Variants in BATF3 observed in about 807,000 individuals in gnomAD.
The protein encoded by BATF3 is basic leucine zipper transcriptional factor ATF-like 3.
Under a neutral mutation model 16.1 loss-of-function variants are expected in BATF3, and 8 were observed. The observed-to-expected ratio is 0.50, with a 90% CI of 0.29 to 0.90. The LOEUF is 0.90. BATF3 is among the 40% of genes least tolerant of loss of function. The probability of loss-of-function intolerance (pLI) is 0.08; values close to 1 mark genes in which losing one functional copy is unlikely to be tolerated. For synonymous variants in BATF3, 74 were observed against 72.7 expected (o/e 1.02, Z -0.09); for missense variants, 139 against 167.0 (o/e 0.83, Z 0.92).
intron 2 of BATF3, among the ~76,000 whole-genome samples, chr1:212,692,863 G>A (rs1197467836): frequency 1.3e-5 from 2 of 152,264 alleles, no homozygotes; most frequent in East Asian, 3.8e-4. Flanking sequence ...GTGGGATAGA[G>A]GAACACATGA....
rs1299248708 is a variant in BATF3, at chr1:212,699,777, T to C, written c.-15A>G. 26 of 1,214,362 alleles carry C rather than the reference T, an allele frequency of 2.1e-5. No individual in the cohort carries two copies. The highest frequency in any genetic ancestry group is 3.4e-5 in the South Asian group (1 of 29,782). 75.2% of individuals were successfully genotyped at this position (1,214,362 alleles called of 1,614,324 possible). On this transcript the variant is annotated 5_prime_UTR_variant, in exon 1 of 3. Coordinates refer to ENST00000243440, the MANE Select transcript of BATF3 (RefSeq NM_018664.3). This position sits in a 1 kb window ranked among gnomAD's most constrained non-coding sequence, Gnocchi z 4.4. ...CCTTGCGACATGCCGGGCGCTCCTCTGGCCCGGCCCGCCCCGCCCCGCCCG... is the reference window on the plus strand; with the variant it reads ...CCTTGCGACATGCCGGGCGCTCCTCCGGCCCGGCCCGCCCCGCCCCGCCCG...
At chr1:212,691,590 A>G (rs1656999536) in intron 2 of BATF3, among the ~76,000 whole-genome samples, 1 of 152,240 alleles carries the variant, frequency 6.6e-6, no homozygotes, top group Non-Finnish European at 1.5e-5. Context: ...ATCAGTTTCT[A>G]AGCCACATGG....
In BATF3 at chr1:212,689,627, A is replaced by G. The variant is rs1451670580; in HGVS notation, c.196-2648T>C. Among the ~76,000 whole-genome samples the G allele has an allele frequency of 6.6e-6, 1 of 152,190 alleles. No homozygotes were observed. ...GAGTCTGGATGGGAGGATGGGATGG[A>G]AGCCAGGGCGTCAAGGGAATCATGC... is the stretch of plus-strand genomic sequence containing the variant. On this transcript the variant is annotated intron_variant, in intron 2 of 2. Coordinates refer to ENST00000243440, the MANE Select transcript of BATF3 (RefSeq NM_018664.3). The surrounding 1 kb of genome is among the most constrained non-coding windows in gnomAD (Gnocchi z 4.6).
chr1:212,688,803 AGTAAGGCTTTGTT>A (rs1381375040), intron 2 of BATF3, among the ~76,000 whole-genome samples: 6 of 152,220 alleles, frequency 3.9e-5, no homozygotes, highest in South Asian at 2.1e-4. Flanking sequence ...TCTAGTTTAT[AGTAAGGCTTTGTT>A]GTACCATGCA....
intron 1 of BATF3, chr1:212,697,705 ATG>A (rs1422811768): frequency 6.6e-6 from 1 of 152,246 alleles, no homozygotes; most frequent in East Asian, 1.9e-4. Context: ...CAAATTTTTT[ATG>A]TGTCTTGAAA....
Position 212,699,583 on chromosome 1 carries a change from C to T in BATF3, c.90+90G>A, listed in dbSNP as rs1416243378. 1 of 1,082,836 alleles carries T rather than the reference C, an allele frequency of 9.2e-7. No homozygotes were observed. Among genetic ancestry groups the T allele is most frequent in the East Asian group, 3.3e-5 (1 of 29,870 alleles). 67.1% of individuals were successfully genotyped at this position (1,082,836 alleles called of 1,614,324 possible). A position where few individuals can be genotyped will look rare whatever the true frequency, so the allele number is the denominator to read the frequency against. ...GCCACCTCTGCACCTCCGCAGTCAC[C>T]ACCACGGAACTCCAGCACCCACCTC... On this transcript the variant is annotated intron_variant, in intron 1 of 2. Coordinates refer to ENST00000243440, the MANE Select transcript of BATF3 (RefSeq NM_018664.3). This position sits in a 1 kb window ranked among gnomAD's most constrained non-coding sequence, Gnocchi z 4.4.
intron 2 of BATF3, among the ~76,000 whole-genome samples, chr1:212,694,298 T>G (rs1657074763): frequency 6.6e-6 from 1 of 152,210 alleles, no homozygotes; most frequent in African/African-American, 2.4e-5. Context: ...ATAGTAAATT[T>G]GTGTTGTTTT....
In BATF3 at chr1:212,697,037, C is replaced by T. The variant is rs1395373528; in HGVS notation, c.119G>A (p.Arg40Gln). 9 of 1,614,130 alleles carry T rather than the reference C, an allele frequency of 5.6e-6. No individual in the cohort carries two copies. The highest frequency in any genetic ancestry group is 1.7e-5 in the Admixed American group (1 of 60,026). The change falls in exon 2 of 3, where the codon CGA becomes CAA. Residue 40 changes from arginine to glutamine, a missense_variant. Transcript: ENST00000243440. Reference sequence around the variant, plus strand: ...AGCAACTCGGTTTTTTTCTCTCCTTCGGACCTTCCTGTCATCATCCTCAGG... The same window carrying T: ...AGCAACTCGGTTTTTTTCTCTCCTTTGGACCTTCCTGTCATCATCCTCAGG... ...QSPEDDDRKV[R>Q]RREKNRVAAQ...
intron 2 of BATF3, among the ~76,000 whole-genome samples, chr1:212,688,352 T>C (rs1262564553): frequency 6.6e-6 from 1 of 152,194 alleles, no homozygotes; most frequent in Non-Finnish European, 1.5e-5. Context: ...CTGGAGACCA[T>C]GCCAAGGGCA....
At chr1:212,698,625 T>C in intron 1 of BATF3, 1 of 152,242 alleles carries the variant, frequency 6.6e-6, no homozygotes, top group East Asian at 1.9e-4. Flanking sequence ...GTGCTTCTCA[T>C]GCCTCTTTGC....
chr1:212,693,288 G>T (rs1657043449), intron 2 of BATF3, among the ~76,000 whole-genome samples: 2 of 152,174 alleles, frequency 1.3e-5, no homozygotes, highest in Non-Finnish European at 2.9e-5. Context: ...TCTGCAGAAG[G>T]TTTGGGATAT....
chr1:212,694,399 A>G (rs1466728768), intron 2 of BATF3, among the ~76,000 whole-genome samples: 1 of 151,978 alleles, frequency 6.6e-6, no homozygotes, highest in African/African-American at 2.4e-5. Flanking sequence ...CCGACAGGCA[A>G]GGCATGAGAT....
Position 212,699,521 on chromosome 1 carries a change from C to T in BATF3, c.90+152G>A. The T allele has an allele frequency of 2.0e-6, 1 of 494,696 alleles. No individual in the cohort carries two copies. The highest frequency in any genetic ancestry group is 3.1e-6 in the Non-Finnish European group (1 of 320,028). 30.6% of individuals were successfully genotyped at this position (494,696 alleles called of 1,614,324 possible). A position where few individuals can be genotyped will look rare whatever the true frequency, so the allele number is the denominator to read the frequency against. On this transcript the variant is annotated intron_variant, in intron 1 of 2. Coordinates refer to ENST00000243440, the MANE Select transcript of BATF3 (RefSeq NM_018664.3). The surrounding 1 kb of genome is among the most constrained non-coding windows in gnomAD (Gnocchi z 4.4). ...TGGATCGCCCCCATTCCCCAACATC[C>T]CTACGCCCCTACCTCTGCTTGTCTC...
chr1:212,696,423 GGTGT>G (rs139095900), intron 2 of BATF3, among the ~76,000 whole-genome samples: 2,947 of 148,484 alleles, frequency 0.02, 38 homozygotes, highest in Middle Eastern at 0.049. Flanking sequence ...GTTTCTGTAG[GGTGT>G]GTGTGTGTGT....
At chr1:212,687,387 T>C (rs1402974286) in intron 2 of BATF3, 2 of 178,428 alleles carry the variant, frequency 1.1e-5, no homozygotes, top group Non-Finnish European at 2.4e-5. Flanking sequence ...GAACAGTACC[T>C]GGAACATAAC....
intron 2 of BATF3, among the ~76,000 whole-genome samples, chr1:212,690,155 C>T (rs1656969333): frequency 6.6e-6 from 1 of 152,204 alleles, no homozygotes; most frequent in Non-Finnish European, 1.5e-5. Context: ...TTGAATAGTT[C>T]CAATGTGCTA....
intron 1 of BATF3, chr1:212,697,799 A>C (rs1035979584): frequency 1.3e-5 from 2 of 152,208 alleles, no homozygotes; most frequent in East Asian, 3.9e-4. Context: ...GGAAAAATGC[A>C]CTGACCATGG....
At chr1:212,695,117 C>T (rs555663412) in intron 2 of BATF3, among the ~76,000 whole-genome samples, 9 of 152,312 alleles carry the variant, frequency 5.9e-5, no homozygotes, top group Non-Finnish European at 1.2e-4. Flanking sequence ...AATTCCAACA[C>T]TTTGCAGGGC....
chr1:212,693,109 G>T (rs1350463201), intron 2 of BATF3, among the ~76,000 whole-genome samples: 1 of 152,200 alleles, frequency 6.6e-6, no homozygotes, highest in East Asian at 1.9e-4. Flanking sequence ...ACTCACTGGA[G>T]CTTGACAAAA....
Sources: allele counts gnomAD v4.1 joint callset (sites outside exome capture counted in the v4.1 genomes callset), GRCh38; gene constraint gnomAD v4.1.1; non-coding constraint Gnocchi (gnomAD v3.1); transcripts MANE v1.5; gene names NCBI Gene and HGNC (gene_info 2026-07-23, HGNC 2026-07-21).